The following GALK2 variants were observed in gnomAD, a reference collection of about 807,000 sequenced individuals.
The protein encoded by GALK2 is N-acetylgalactosamine kinase.
A neutral mutation model predicts 52.4 loss-of-function variants in GALK2; 36 were observed. The observed-to-expected ratio is 0.69, with a 90% confidence interval of 0.53 to 0.91. The LOEUF (loss-of-function observed/expected upper bound fraction) is 0.91, where lower values mean the gene tolerates loss of function less well. GALK2 is among the 40% of genes least tolerant of loss of function. The pLI is 0.00. For synonymous variants in GALK2, 176 were observed against 199.1 expected (o/e 0.88, Z 0.98); for missense variants, 579 against 559.1 (o/e 1.04, Z -0.36).
At chr15:49,359,715 T>C (rs2151387748) in intron 3 of GALK2, among the ~76,000 whole-genome samples, 1 of 138,896 alleles carries the variant, frequency 7.2e-6, no homozygotes, top group South Asian at 2.4e-4. Flanking sequence ...GAAGTACCAT[T>C]TGACCCAGCC....
chr15:49,265,697 C>G (rs1482209903), intron 5 of GALK2, among the ~76,000 whole-genome samples: 1 of 152,226 alleles, frequency 6.6e-6, no homozygotes, highest in African/African-American at 2.4e-5. Context: ...CGGAGCTGTT[C>G]CTATTCGGCC....
chr15:49,218,517 A>C (rs773416325), intron 3 of GALK2, among the ~76,000 whole-genome samples: 2 of 152,176 alleles, frequency 1.3e-5, no homozygotes, highest in Non-Finnish European at 2.9e-5. Flanking sequence ...AGTAGGAAAG[A>C]GCATGAAGAA....
chr15:49,260,093 C>A lies in GALK2; in HGVS notation c.504+20726C>A, dbSNP rs548209957. 5.3e-4 allele frequency among the ~76,000 whole-genome samples: 81 copies of A among 152,028 alleles called. 1 individual carries two copies. The South Asian group carries it at 0.012, about 22-fold the overall frequency. On this transcript the variant is annotated intron_variant, in intron 5 of 9. Coordinates refer to ENST00000560031, the MANE Select transcript of GALK2 (RefSeq NM_002044.4). ...TGATTTATAGTCCTTTGGGTATATA[C>A]CCAGTAATGGGATGGCTGGGTGAAA...
intron 8 of GALK2, among the ~76,000 whole-genome samples, chr15:49,309,892 C>T (rs2035852803): frequency 6.6e-6 from 1 of 152,164 alleles, no homozygotes; most frequent in Non-Finnish European, 1.5e-5. Flanking sequence ...AGGCATGAGC[C>T]ACTGTGCTGG....
downstream of GALK2, among the ~76,000 whole-genome samples, chr15:49,333,132 A>G (rs1295336248): frequency 1.3e-5 from 2 of 152,008 alleles, no homozygotes; most frequent in Non-Finnish European, 2.9e-5. Flanking sequence ...TTAGTTTACA[A>G]TCTCCCCTCT....
chr15:49,363,114 T>C (rs1339991476), intron 3 of GALK2, among the ~76,000 whole-genome samples: 1 of 152,242 alleles, frequency 6.6e-6, no homozygotes, highest in African/African-American at 2.4e-5. Flanking sequence ...AAGCTCTTTT[T>C]TGGTTCAACA....
At chr15:49,288,675 T>C (rs1033656762) in intron 7 of GALK2, among the ~76,000 whole-genome samples, 3 of 152,198 alleles carry the variant, frequency 2.0e-5, no homozygotes, top group African/African-American at 7.2e-5. Flanking sequence ...CCGAGCTGCA[T>C]GGCAGAGGAC....
chr15:49,235,660 C>A (rs748440837), intron 3 of GALK2, 191 bp from the exon 4 acceptor site: 2 of 717,930 alleles, frequency 2.8e-6, no homozygotes. Context: ...AGTTTAGTCA[C>A]TAAGGCCACT....
At chr15:49,210,071 G>A (rs758154649) in intron 2 of GALK2, among the ~76,000 whole-genome samples, 1 of 152,134 alleles carries the variant, frequency 6.6e-6, no homozygotes, top group Non-Finnish European at 1.5e-5. Context: ...TAGGTTTTAT[G>A]TGTCCAGGAA....
chr15:49,276,633 C>T (rs969498891), intron 5 of GALK2, among the ~76,000 whole-genome samples: 2 of 152,178 alleles, frequency 1.3e-5, no homozygotes, highest in Non-Finnish European at 2.9e-5. Flanking sequence ...TCCCAAAGGA[C>T]AGACAGAAAA....
chr15:49,235,093 A>T (rs1176570891), intron 3 of GALK2, among the ~76,000 whole-genome samples: 2 of 152,148 alleles, frequency 1.3e-5, no homozygotes, highest in Non-Finnish European at 2.9e-5. Context: ...ATTGTAGTTC[A>T]TAAGTGTCTG....
At chr15:49,235,754 G>A (rs895466475) in intron 3 of GALK2, 97 bp from the exon 4 acceptor site, 1 of 810,350 alleles carries the variant, frequency 1.2e-6, no homozygotes, top group African/African-American at 1.7e-5. Context: ...AGGAGAGTCA[G>A]TATCGCTGTG....
chr15:49,267,270 C>A (rs904256217), intron 5 of GALK2, among the ~76,000 whole-genome samples: 2 of 152,058 alleles, frequency 1.3e-5, no homozygotes, highest in Non-Finnish European at 2.9e-5. Flanking sequence ...CTAACCTGAC[C>A]TAAAAGGATT....
intron 1 of GALK2, among the ~76,000 whole-genome samples, chr15:49,162,791 G>A (rs565876186): frequency 4.6e-5 from 7 of 152,310 alleles, no homozygotes; most frequent in African/African-American, 1.7e-4. Flanking sequence ...AAAAAATATG[G>A]TCTTAGTCTG....
chr15:49,302,477 G>A (rs758096477), intron 8 of GALK2, among the ~76,000 whole-genome samples: 1 of 152,078 alleles, frequency 6.6e-6, no homozygotes, highest in Admixed American at 6.6e-5. Flanking sequence ...GAATTTTCAC[G>A]TTTAATAAAA....
chr15:49,332,656 T>C (rs1312711183), downstream of GALK2, among the ~76,000 whole-genome samples: 1 of 152,234 alleles, frequency 6.6e-6, no homozygotes, highest in Non-Finnish European at 1.5e-5. Flanking sequence ...ATAAGACTAT[T>C]AATTTCACTG....
At position 49,170,383 on chromosome 15, in the gene GALK2, A is replaced by G. The variant is rs1365072811; in HGVS notation, c.53+8A>G. Reference sequence around the variant, plus strand: ...GGTGGCAGAACATCCTAGGTGGGGGAGAGGAGACGCCGGGCTTTGGGATCT... The same window carrying G: ...GGTGGCAGAACATCCTAGGTGGGGGGGAGGAGACGCCGGGCTTTGGGATCT... On this transcript the variant is annotated splice_region_variant and intron_variant, in intron 1 of 9. Coordinates refer to ENST00000560031, the MANE Select transcript of GALK2 (RefSeq NM_002044.4). 5 of 1,585,556 alleles carry G rather than the reference A, an allele frequency of 3.2e-6. No individual in the cohort carries two copies. Among genetic ancestry groups the G allele is most frequent in the Non-Finnish European group, 4.3e-6 (5 of 1,166,350 alleles).
In GALK2 at chr15:49,162,601, A is replaced by G. The variant is rs532888314; in HGVS notation, c.20+6585A>G. ...TCTGTGACTTGCTTCTAACTAAAATACAGCAAAGGTGATATACGTGATTAT... is the reference window on the plus strand; with the variant it reads ...TCTGTGACTTGCTTCTAACTAAAATGCAGCAAAGGTGATATACGTGATTAT... On this transcript the variant is annotated intron_variant, in intron 1 of 9. Transcript: ENST00000327171. Among the ~76,000 whole-genome samples the G allele has an allele frequency of 2.0e-5, 3 of 152,296 alleles. No homozygotes were observed. The South Asian group carries it at 6.2e-4, about 32-fold the overall frequency.
In GALK2 at chr15:49,292,407, A is replaced by G; in HGVS notation, c.837A>G (p.Leu279=). The change falls in exon 8 of 10, where the codon CTA becomes CTG. Residue 279 remains leucine, a synonymous_variant. Transcript: ENST00000560031. ...TGCAGGCTAAACTAGGGATTAGTCT[A>G]GAAGAAATGCTGTTGGTCACAGAAG... is the stretch of plus-strand genomic sequence containing the variant. ...EEVQAKLGIS[L]EEMLLVTEDA... 6.2e-7 allele frequency: 1 copy of G among 1,614,044 alleles called. No homozygotes were observed. The highest frequency in any genetic ancestry group is 8.5e-7 in the Non-Finnish European group (1 of 1,179,936).
Sources: gnomAD v4.1 joint callset for allele counts (sites outside exome capture counted in the v4.1 genomes callset) on GRCh38, gnomAD v4.1.1 for gene constraint, MANE v1.5 for transcripts, NCBI Gene and HGNC (gene_info 2026-07-23, HGNC 2026-07-21) for gene names.